RREB1: variants seen among roughly 807,000 people sequenced by gnomAD.
RREB1 encodes ras-responsive element-binding protein 1.
In RREB1, 27 loss-of-function variants were observed where a neutral mutation model predicts 117.8. The ratio of observed to expected loss-of-function variants is 0.23; its 90% CI spans 0.17 to 0.32. The LOEUF is 0.32. Ranked by LOEUF, RREB1 falls within the 10% of genes least tolerant of loss-of-function variation. RREB1 has a pLI of 1.00. For synonymous variants in RREB1, 1,298 were observed against 1,026.7 expected, an observed-to-expected ratio of 1.26 and a Z score of -5.05; for missense variants, 2,577 against 2,378.2, an observed-to-expected ratio of 1.08 and a Z score of -1.74.
At chr6:7,228,145 C>G (rs530737017) in intron 9 of RREB1, among the ~76,000 whole-genome samples, 1 of 152,256 alleles carries the variant, frequency 6.6e-6, no homozygotes, top group Admixed American at 6.5e-5. Context: ...TGTTGTTGTT[C>G]AAGTGTACAA....
At chr6:7,200,244 A>ATG (rs70978945) in intron 6 of RREB1, among the ~76,000 whole-genome samples, 9,284 of 129,218 alleles carry the variant, frequency 0.072, 440 homozygotes, top group African/African-American at 0.11. Flanking sequence ...ATGTGTGTAT[A>ATG]TGTGTGTGTG....
At chr6:7,226,983 G>GT (rs1767619950) in intron 9 of RREB1, among the ~76,000 whole-genome samples, 2 of 152,204 alleles carry the variant, frequency 1.3e-5, no homozygotes, top group African/African-American at 2.4e-5. Context: ...GCTCACACCT[G>GT]TAACGCCAGC....
At chr6:7,171,657 C>T (rs944837090) in intron 1 of RREB1, among the ~76,000 whole-genome samples, 6 of 152,138 alleles carry the variant, frequency 3.9e-5, no homozygotes, top group Non-Finnish European at 8.8e-5. Context: ...GTGCATGTGG[C>T]ACATGGTGCT....
At chr6:7,136,674 G>T (rs1159965143) in intron 1 of RREB1, among the ~76,000 whole-genome samples, 1 of 152,152 alleles carries the variant, frequency 6.6e-6, no homozygotes, top group Non-Finnish European at 1.5e-5. Flanking sequence ...CAGAAGAGGT[G>T]ATTTTTAGGT....
intron 1 of RREB1, among the ~76,000 whole-genome samples, chr6:7,170,508 G>A (rs957685045): frequency 6.6e-6 from 1 of 152,198 alleles, no homozygotes; most frequent in Admixed American, 6.5e-5. Context: ...TTTTCGGGAA[G>A]TACCACAGGC....
At chr6:7,152,726 G>T (rs905459175) in intron 1 of RREB1, among the ~76,000 whole-genome samples, 39 of 152,226 alleles carry the variant, frequency 2.6e-4, no homozygotes, top group African/African-American at 8.7e-4. Flanking sequence ...AGCTTTGCCA[G>T]TGCTAAGTGG....
At chr6:7,215,611 A>T (rs1766852732) in intron 8 of RREB1, 1 of 152,204 alleles carries the variant, frequency 6.6e-6, no homozygotes, top group Admixed American at 6.5e-5. Flanking sequence ...AAGTGCTGGG[A>T]TTGTAGGCGT....
At chr6:7,124,306 TGTATTGGGGAGGCG>T (rs1322350729) in intron 1 of RREB1, among the ~76,000 whole-genome samples, 33 of 152,072 alleles carry the variant, frequency 2.2e-4, no homozygotes, top group Non-Finnish European at 4.3e-4. Flanking sequence ...GGAGTATATG[TGTATTGGGGAGGCG>T]GTGTGGTTAG....
chr6:7,231,992 C>A lies in RREB1; in HGVS notation c.3808+85C>A, dbSNP rs1209495157. On this transcript the variant is annotated intron_variant, in intron 10 of 12. Transcript: ENST00000379938. ...AGTGGGGGTCAAAAGCGAGACCCAT[C>A]TCCCACAGTTCCAGTTATTCCTAGC... The A allele has an allele frequency of 1.3e-5, 18 of 1,336,430 alleles. No individual in the cohort carries two copies. In the South Asian group the frequency reaches 2.4e-4, roughly 18 times the overall value. The allele number at this position is 1,336,430 out of a possible 1,614,324, so 82.8% of individuals were successfully genotyped here. A position where few individuals can be genotyped will look rare whatever the true frequency, so the allele number is the denominator to read the frequency against.
At chr6:7,151,554 C>G (rs527996171) in intron 1 of RREB1, among the ~76,000 whole-genome samples, 1 of 152,152 alleles carries the variant, frequency 6.6e-6, no homozygotes, top group African/African-American at 2.4e-5. Flanking sequence ...TGGTCATGGC[C>G]TTAACATCTG....
intron 1 of RREB1, among the ~76,000 whole-genome samples, chr6:7,174,702 G>A (rs903739820): frequency 1.4e-4 from 22 of 152,114 alleles, no homozygotes; most frequent in African/African-American, 5.3e-4. Context: ...TCCGCCTTCC[G>A]GGTTCAAGTG....
chr6:7,232,392 G>A (rs1369671730), intron 10 of RREB1, among the ~76,000 whole-genome samples: 2 of 152,198 alleles, frequency 1.3e-5, no homozygotes, highest in South Asian at 2.1e-4. Flanking sequence ...TGGATGCCAT[G>A]TCTTCTTAAA....
At chr6:7,120,712 A>G (rs1761639404) in intron 1 of RREB1, among the ~76,000 whole-genome samples, 1 of 151,538 alleles carries the variant, frequency 6.6e-6, no homozygotes, top group African/African-American at 2.4e-5. Flanking sequence ...CGCTCTGTCA[A>G]CAGGGTGGAG....
chr6:7,185,681 G>A (rs561004212), intron 4 of RREB1, among the ~76,000 whole-genome samples: 21 of 152,286 alleles, frequency 1.4e-4, no homozygotes, highest in South Asian at 1.2e-3. Context: ...CATTCCACCC[G>A]TCTGGTTTAT....
chr6:7,231,180 T>C lies in RREB1; in HGVS notation c.3081T>C (p.Pro1027=). 3 of 1,611,406 alleles carry C rather than the reference T, an allele frequency of 1.9e-6. No individual in the cohort carries two copies. The highest frequency in any genetic ancestry group is 2.5e-6 in the Non-Finnish European group (3 of 1,179,106). The change falls in exon 10 of 13, where the codon CCT becomes CCC. Residue 1027 remains proline (P), a synonymous_variant. Coordinates refer to ENST00000379938, the MANE Select transcript of RREB1 (RefSeq NM_001003699.4). ...ACTCCTCAGCCCTGGTCAGCAGCCC[T>C]CCACTCGTGGGCAGCTCAGCCCTCC... ...PIYSSALVSS[P]PLVGSSALLS...
At chr6:7,119,640 AC>A (rs1158742088) in intron 1 of RREB1, among the ~76,000 whole-genome samples, 2 of 152,224 alleles carry the variant, frequency 1.3e-5, no homozygotes, top group Non-Finnish European at 2.9e-5. Flanking sequence ...AAGACACAGA[AC>A]CAGTGAATTA....
intron 10 of RREB1, among the ~76,000 whole-genome samples, chr6:7,233,022 A>G (rs886627230): frequency 1.3e-5 from 2 of 152,060 alleles, no homozygotes; most frequent in Non-Finnish European, 2.9e-5. Flanking sequence ...CAGCCTCCCA[A>G]GTAGCTGAGA....
intron 1 of RREB1, among the ~76,000 whole-genome samples, chr6:7,134,818 C>T (rs1223955027): frequency 1.3e-5 from 2 of 152,176 alleles, no homozygotes; most frequent in Non-Finnish European, 2.9e-5. Flanking sequence ...AGGAAAATAA[C>T]GATTAGACTA....
chr6:7,241,461 T>C (rs1019291148), intron 11 of RREB1, among the ~76,000 whole-genome samples: 2 of 152,088 alleles, frequency 1.3e-5, no homozygotes, highest in African/African-American at 4.8e-5. Flanking sequence ...GTTTTGCAAG[T>C]CTTGAAAACC....
Sources: allele counts gnomAD v4.1 joint callset (sites outside exome capture counted in the v4.1 genomes callset), GRCh38; gene constraint gnomAD v4.1.1; transcripts MANE v1.5; gene names NCBI Gene and HGNC (gene_info 2026-07-23, HGNC 2026-07-21).